The following PC variants were observed in gnomAD, a reference collection of about 807,000 sequenced individuals.
The protein encoded by PC is pyruvate carboxylase, mitochondrial.
A neutral mutation model predicts 107.8 loss-of-function variants in PC; 46 were observed. The ratio of observed to expected loss-of-function variants is 0.43; its 90% CI spans 0.34 to 0.55. PC has a LOEUF of 0.55. PC is among the 20% of genes least tolerant of loss of function. The pLI is 0.04. For synonymous variants in PC, 662 were observed against 684.7 expected, an observed-to-expected ratio of 0.97 and a Z score of 0.52; for missense variants, 1,241 against 1,643.1, an observed-to-expected ratio of 0.76 and a Z score of 4.23.
At chr11:66,932,627 A>T (rs1407294705) in intron 3 of PC, among the ~76,000 whole-genome samples, 2 of 152,120 alleles carry the variant, frequency 1.3e-5, no homozygotes, top group Non-Finnish European at 2.9e-5. Context: ...AAGTATCCTT[A>T]ATCTGGCCCT....
intron 3 of PC, among the ~76,000 whole-genome samples, chr11:66,896,019 T>C (rs1947747583): frequency 1.3e-5 from 2 of 152,156 alleles, no homozygotes; most frequent in South Asian, 4.1e-4. Context: ...TTTCAGAAGT[T>C]AGAAAAGTGC....
intron 3 of PC, among the ~76,000 whole-genome samples, chr11:66,951,813 C>T (rs755682002): frequency 1.4e-4 from 22 of 152,052 alleles, no homozygotes; most frequent in Non-Finnish European, 2.1e-4. Flanking sequence ...TTGCTTGAAC[C>T]CAGGAGGCAG....
chr11:66,874,814 G>A (rs954319397), intron 3 of PC, among the ~76,000 whole-genome samples: 9 of 152,198 alleles, frequency 5.9e-5, no homozygotes, highest in African/African-American at 2.2e-4. Context: ...ATAAGAAACA[G>A]GTGACATTTT....
At chr11:66,859,405 C>T (rs1330353215) in intron 12 of PC, among the ~76,000 whole-genome samples, 3 of 152,198 alleles carry the variant, frequency 2.0e-5, no homozygotes, top group African/African-American at 2.4e-5. Context: ...GTTATTTCTG[C>T]CTCTGCTGGT....
intron 1 of PC, among the ~76,000 whole-genome samples, chr11:66,957,405 G>A (rs1463927297): frequency 6.6e-6 from 1 of 152,170 alleles, no homozygotes; most frequent in Non-Finnish European, 1.5e-5. Context: ...TCGCTTGAGC[G>A]TAGGAGTTCG....
At chr11:66,885,533 T>C (rs1283080037) in intron 3 of PC, among the ~76,000 whole-genome samples, 2 of 143,252 alleles carry the variant, frequency 1.4e-5, no homozygotes, top group African/African-American at 5.1e-5. Flanking sequence ...AATAGGGTAA[T>C]CAAGTAAAAA....
rs886256414 is a variant in PC at position 66,871,627 on chromosome 11, C to T, written c.321+60G>A. 24 of 1,560,252 alleles carry T rather than the reference C, an allele frequency of 1.5e-5. No homozygotes were observed. In the Admixed American group the frequency reaches 1.9e-4, roughly 12 times the overall value. Reference sequence around the variant, plus strand: ...GAGCACGCCAGCCTCAAGAGACCCCCGCGGCAACTAAGACTCCCTGGTCCC... The same window carrying T: ...GAGCACGCCAGCCTCAAGAGACCCCTGCGGCAACTAAGACTCCCTGGTCCC... On this transcript the variant is annotated intron_variant, in intron 5 of 22. Transcript: ENST00000393960. This position sits in a 1 kb window ranked among gnomAD's most constrained non-coding sequence, Gnocchi z 7.4.
At chr11:66,859,865 G>A in intron 12 of PC, 1 of 1,563,188 alleles carries the variant, frequency 6.4e-7, no homozygotes, top group Non-Finnish European at 8.7e-7. Context: ...GGGGTGTGCT[G>A]GTGGCTGCCT....
chr11:66,866,495 G>T lies in PC; in HGVS notation c.1023-146C>A, dbSNP rs1946502445. 1 of 657,436 alleles carries T rather than the reference G, an allele frequency of 1.5e-6. No individual in the cohort carries two copies. Among genetic ancestry groups the T allele is most frequent in the Non-Finnish European group, 2.7e-6 (1 of 374,320 alleles). The allele number at this position is 657,436 out of a possible 1,614,324, so 40.7% of individuals were successfully genotyped here. A position where few individuals can be genotyped will look rare whatever the true frequency, so the allele number is the denominator to read the frequency against. Reference sequence around the variant, plus strand: ...GGCTCTGGGCCAGCCTGAACAGCCGGTTCCTCCCAACCAGTGGCTCCACCA... The same window carrying T: ...GGCTCTGGGCCAGCCTGAACAGCCGTTTCCTCCCAACCAGTGGCTCCACCA... On this transcript the variant is annotated intron_variant, in intron 10 of 22. Coordinates refer to ENST00000393960, the MANE Select transcript of PC (RefSeq NM_001040716.2). This position sits in a 1 kb window ranked among gnomAD's most constrained non-coding sequence, Gnocchi z 5.4.
Position 66,866,445 on chromosome 11 carries a change from A to G in PC, c.1023-96T>C. 1 of 906,510 alleles carries G rather than the reference A, an allele frequency of 1.1e-6. No homozygotes were observed. The allele number at this position is 906,510 out of a possible 1,614,324, so 56.2% of individuals were successfully genotyped here. ...GGGCACCGCAGCCAGTGGGGCGTCCACACACAGTGCGACTCCTGCCCATAG... is the reference window on the plus strand; with the variant it reads ...GGGCACCGCAGCCAGTGGGGCGTCCGCACACAGTGCGACTCCTGCCCATAG... On this transcript the variant is annotated intron_variant, in intron 10 of 22. Coordinates refer to ENST00000393960, the MANE Select transcript of PC (RefSeq NM_001040716.2). The surrounding 1 kb of genome is among the most constrained non-coding windows in gnomAD (Gnocchi z 5.4).
In PC at chr11:66,866,217, G is replaced by T. The variant is rs1179773551; in HGVS notation, c.1155C>A (p.Arg385=). The T allele has an allele frequency of 6.2e-7, 1 of 1,611,072 alleles. No homozygotes were observed. Among genetic ancestry groups the T allele is most frequent in the Non-Finnish European group, 8.5e-7 (1 of 1,179,646 alleles). ...QCRVTTEDPA[R]SFQPDTGRIE... is the part of the protein sequence containing the mutation. ...TGCGGCCGGTGTCCGGCTGGAAGCT[G>T]CGCGCGGGGTCCTCGGTGGTGACCC... is the stretch of plus-strand genomic sequence containing the variant. Residue 385 remains arginine, a synonymous_variant, in exon 11 of 23, where the codon CGC becomes CGA. Coordinates refer to ENST00000393960, the MANE Select transcript of PC (RefSeq NM_001040716.2). This position sits in a 1 kb window ranked among gnomAD's most constrained non-coding sequence, Gnocchi z 5.4.
chr11:66,930,208 T>TC (rs1565293769), intron 3 of PC, among the ~76,000 whole-genome samples: 1 of 150,180 alleles, frequency 6.7e-6, no homozygotes, highest in Admixed American at 6.7e-5. Context: ...AACAAAAAAC[T>TC]CCCCCCAAGA....
intron 3 of PC, among the ~76,000 whole-genome samples, chr11:66,910,670 G>A (rs1948310324): frequency 6.6e-6 from 1 of 152,174 alleles, no homozygotes; most frequent in African/African-American, 2.4e-5. Flanking sequence ...TGCAGGGCAG[G>A]GGTCACAGGG....
At chr11:66,952,839 G>A (rs1414925245) in intron 2 of PC, among the ~76,000 whole-genome samples, 1 of 152,168 alleles carries the variant, frequency 6.6e-6, no homozygotes, top group African/African-American at 2.4e-5. Context: ...CACCGCACCC[G>A]GCCAAGAACT....
chr11:66,868,067 TC>T (rs1946569275), intron 10 of PC, among the ~76,000 whole-genome samples: 1 of 152,242 alleles, frequency 6.6e-6, no homozygotes, highest in Non-Finnish European at 1.5e-5. Flanking sequence ...GAAAATGTCA[TC>T]CTCAGTGCCT....
At chr11:66,861,325 C>A (rs958591524) in intron 12 of PC, among the ~76,000 whole-genome samples, 2 of 152,194 alleles carry the variant, frequency 1.3e-5, no homozygotes, top group Non-Finnish European at 2.9e-5. Flanking sequence ...CAAGCTCCCC[C>A]AGGTGCTGTA....
chr11:66,917,419 C>T (rs1451018497), intron 3 of PC, among the ~76,000 whole-genome samples: 2 of 152,114 alleles, frequency 1.3e-5, no homozygotes, highest in Non-Finnish European at 2.9e-5. Flanking sequence ...TCAGAAGGGT[C>T]TATGCAAATT....
At chr11:66,886,216 C>T (rs1441255954) in intron 3 of PC, among the ~76,000 whole-genome samples, 1 of 146,400 alleles carries the variant, frequency 6.8e-6, no homozygotes, top group Non-Finnish European at 1.5e-5. Flanking sequence ...GGGGGGCAGG[C>T]AGAGGAGGGG....
At chr11:66,860,082 C>G in intron 12 of PC, 1 of 1,556,292 alleles carries the variant, frequency 6.4e-7, no homozygotes, top group Non-Finnish European at 8.7e-7. Flanking sequence ...TTATGCCAGG[C>G]GCCTGGGAGG....
Sources: gnomAD v4.1 joint callset for allele counts (sites outside exome capture counted in the v4.1 genomes callset) on GRCh38, gnomAD v4.1.1 for gene constraint, Gnocchi (gnomAD v3.1) non-coding constraint, MANE v1.5 for transcripts, NCBI Gene and HGNC (gene_info 2026-07-23, HGNC 2026-07-21) for gene names.